The following PRPF8 variants were observed in gnomAD, a reference collection of about 807,000 sequenced individuals.
PRPF8 encodes pre-mRNA-processing-splicing factor 8.
A neutral mutation model predicts 285.9 loss-of-function variants in PRPF8; 64 were observed. That is an observed-to-expected ratio of 0.22 (90% CI 0.18 to 0.28). The LOEUF (loss-of-function observed/expected upper bound fraction) is 0.28, where lower values mean the gene tolerates loss of function less well. PRPF8 is among the 10% of genes least tolerant of loss of function. PRPF8 has a pLI of 1.00. For synonymous variants in PRPF8, 1,325 were observed against 1,118.2 expected (o/e 1.18, Z -3.69); for missense variants, 1,426 against 3,026.7 (o/e 0.47, Z 12.41).
At position 1,683,586 on chromosome 17, in the gene PRPF8, G is replaced by A. The variant is rs767302039; in HGVS notation, c.216C>T (p.Asp72=). 1.2e-6 allele frequency: 2 copies of A among 1,614,132 alleles called. No individual in the cohort carries two copies. Among genetic ancestry groups the A allele is most frequent in the South Asian group, 1.1e-5 (1 of 91,080 alleles). The change falls in exon 3 of 43, where the codon GAC becomes GAT. Residue 72 remains aspartate, a synonymous_variant. Coordinates refer to ENST00000304992, the MANE Select transcript of PRPF8 (RefSeq NM_006445.4). The part of the protein sequence containing the change: ...PPEHVRKIIR[D]HGDMTNRKFR... Reference sequence around the variant, plus strand: ...ACTTCCTGTTGGTCATGTCTCCATGGTCTCGAATGATCTTCCTGACATGTT... The same window carrying A: ...ACTTCCTGTTGGTCATGTCTCCATGATCTCGAATGATCTTCCTGACATGTT...
intron 24 of PRPF8, among the ~76,000 whole-genome samples, chr17:1,672,155 C>A (rs1297807394): frequency 6.6e-6 from 1 of 152,150 alleles, no homozygotes; most frequent in Non-Finnish European, 1.5e-5. Context: ...ACAGACTTAA[C>A]TAAAAAACAG....
chr17:1,652,575 T>C (rs1229436924), intron 39 of PRPF8, among the ~76,000 whole-genome samples: 1 of 152,150 alleles, frequency 6.6e-6, no homozygotes, highest in Non-Finnish European at 1.5e-5. Flanking sequence ...AAGCAGGGTA[T>C]CACTCTGTCA....
chr17:1,662,161 T>G lies in PRPF8; in HGVS notation c.3775-8A>C. On this transcript the variant is annotated splice_region_variant and splice_polypyrimidine_tract_variant and intron_variant, in intron 24 of 42. Transcript: ENST00000304992. ...ATTCCACTTATTCACAATCTAAAGG[T>G]AGTAGAAAAAAAAGTAAATTACAGA... The G allele has an allele frequency of 6.2e-7, 1 of 1,613,936 alleles. No individual in the cohort carries two copies. Among genetic ancestry groups the G allele is most frequent in the Non-Finnish European group, 8.5e-7 (1 of 1,179,976 alleles).
chr17:1,673,111 G>T lies in PRPF8; in HGVS notation c.3744C>A (p.Leu1248=). ...TGAAGGTGGTGGACCCAGAGGCCATGAGAATCTGACGCACGCGGTTGTGGA... is the reference window on the plus strand; with the variant it reads ...TGAAGGTGGTGGACCCAGAGGCCATTAGAATCTGACGCACGCGGTTGTGGA... ...QRFHNRVRQI[L]MASGSTTFTK... Residue 1248 remains leucine (L), a synonymous_variant, in exon 24 of 43, where the codon CTC becomes CTA. Coordinates refer to ENST00000304992, the MANE Select transcript of PRPF8 (RefSeq NM_006445.4). This position sits in a 1 kb window ranked among gnomAD's most constrained non-coding sequence, Gnocchi z 5.5. 6.2e-7 allele frequency: 1 copy of T among 1,614,258 alleles called. No individual in the cohort carries two copies.
At chr17:1,664,128 T>C (rs1034328751) in intron 24 of PRPF8, among the ~76,000 whole-genome samples, 2 of 152,056 alleles carry the variant, frequency 1.3e-5, no homozygotes, top group African/African-American at 2.4e-5. Context: ...CCTCCCAGGC[T>C]CAGGAGACTC....
rs1911593974 is a variant in PRPF8 at position 1,660,017 on chromosome 17, G to A, written c.4786-16C>T. On this transcript the variant is annotated splice_polypyrimidine_tract_variant and intron_variant, in intron 30 of 42. Coordinates refer to ENST00000304992, the MANE Select transcript of PRPF8 (RefSeq NM_006445.4). Reference sequence around the variant, plus strand: ...GGTCAAACACCTGAAGGAAAACATGGAGAGATTAAGACTTGTTAAGGAAGC... The same window carrying A: ...GGTCAAACACCTGAAGGAAAACATGAAGAGATTAAGACTTGTTAAGGAAGC... 5 of 1,613,222 alleles carry A rather than the reference G, an allele frequency of 3.1e-6. No homozygotes were observed. Among genetic ancestry groups the A allele is most frequent in the Non-Finnish European group, 4.2e-6 (5 of 1,179,280 alleles).
rs2151127735 is a variant in PRPF8 at position 1,675,701 on chromosome 17, C to T, written c.2791G>A (p.Asp931Asn). The T allele has an allele frequency of 2.5e-6, 4 of 1,614,118 alleles. No individual in the cohort carries two copies. The highest frequency in any genetic ancestry group is 2.2e-5 in the East Asian group (1 of 44,880). The change falls in exon 19 of 43, where the codon GAC (aspartate) becomes AAC (asparagine). Residue 931 changes from aspartate to asparagine, a missense_variant. Transcript: ENST00000304992. The surrounding 1 kb of genome is among the most constrained non-coding windows in gnomAD (Gnocchi z 6.0). ...CAGGGTGGGAACAGGCGGCGCTTGTCGGCTTCATACCACAGGTACTGGTCC... is the reference window on the plus strand; with the variant it reads ...CAGGGTGGGAACAGGCGGCGCTTGTTGGCTTCATACCACAGGTACTGGTCC... The part of the protein sequence containing the change: ...YLDQYLWYEA[D>N]KRRLFPPWIK...
rs62089972 is a variant in PRPF8, at chr17:1,676,779, G to A, written c.2182-68C>T. On this transcript the variant is annotated intron_variant, in intron 15 of 42. Transcript: ENST00000304992. This position sits in a 1 kb window ranked among gnomAD's most constrained non-coding sequence, Gnocchi z 6.3. ...CACTGTGGCACACATCTGTAGTCCC[G>A]GCTACTCAGGAGGCTAAGGAGGATC... The A allele has an allele frequency of 0.033, 51,606 of 1,567,464 alleles. 989 individuals carry two copies. Among genetic ancestry groups the A allele is most frequent in the Middle Eastern group, 0.048 (230 of 4,756 alleles).
At chr17:1,665,288 C>T (rs1373840350) in intron 24 of PRPF8, among the ~76,000 whole-genome samples, 13 of 151,992 alleles carry the variant, frequency 8.6e-5, no homozygotes, top group Middle Eastern at 3.4e-3. Context: ...CCCTGTAATC[C>T]CAGCACTTTG....
chr17:1,673,570 G>A lies in PRPF8; in HGVS notation c.3447-3C>T. 2.5e-6 allele frequency: 4 copies of A among 1,613,952 alleles called. No homozygotes were observed. The highest frequency in any genetic ancestry group is 3.4e-6 in the Non-Finnish European group (4 of 1,180,022). ...TGTCCCAGAATACCGCCCGGCCTCT[G>A]CCCACAGAGAACACATGGTCACAGC... On this transcript the variant is annotated splice_polypyrimidine_tract_variant and splice_region_variant and intron_variant, in intron 22 of 42. Coordinates refer to ENST00000304992, the MANE Select transcript of PRPF8 (RefSeq NM_006445.4). This position sits in a 1 kb window ranked among gnomAD's most constrained non-coding sequence, Gnocchi z 5.5.
Position 1,679,649 on chromosome 17 carries a change from G to A in PRPF8, c.1249C>T (p.Arg417Cys), listed in dbSNP as rs937943467. The A allele has an allele frequency of 6.8e-6, 11 of 1,613,920 alleles. No individual in the cohort carries two copies. In the African/African-American group the frequency reaches 9.3e-5, roughly 14 times the overall value. ...GGTATGTCCAGGGCCCGACGGGTGC[G>A]ACCAGAGCGTAGGTTGAAGGGCCGC... ...APRPFNLRSG[R>C]TRRALDIPLV... Residue 417 changes from arginine (R) to cysteine (C), a missense_variant, in exon 9 of 43, where the codon CGC becomes TGC. Physicochemically the swap from Arg to Cys is radical, Grantham distance 180 (BLOSUM62 -3). Transcript: ENST00000304992. The surrounding 1 kb of genome is among the most constrained non-coding windows in gnomAD (Gnocchi z 4.7).
chr17:1,652,159 A>G (rs1034712636), intron 39 of PRPF8: 12 of 372,940 alleles, frequency 3.2e-5, no homozygotes, highest in Non-Finnish European at 5.6e-5. Flanking sequence ...CATTATCACC[A>G]AGAAAGAAAG....
chr17:1,672,996 C>G (rs771161044), intron 24 of PRPF8, 85 bp downstream of exon 24: 7 of 1,261,984 alleles, frequency 5.5e-6, no homozygotes, highest in Middle Eastern at 4.2e-4. Flanking sequence ...AAGGAAGCAG[C>G]CAGCAGGGGA....
intron 2 of PRPF8, among the ~76,000 whole-genome samples, chr17:1,683,931 G>A (rs566058782): frequency 6.7e-6 from 1 of 149,814 alleles, no homozygotes; most frequent in East Asian, 2.0e-4. Context: ...CTGTCTCCCA[G>A]GCTGGAGTGC....
At chr17:1,657,526 G>T (rs1000025289) in intron 34 of PRPF8, among the ~76,000 whole-genome samples, 1 of 150,932 alleles carries the variant, frequency 6.6e-6, no homozygotes, top group African/African-American at 2.4e-5. Context: ...GGCACCTGTA[G>T]TCCCAGCTAC....
chr17:1,656,133 G>GCCTGATCTCAAACT (rs1256611684), intron 36 of PRPF8, among the ~76,000 whole-genome samples: 2 of 150,420 alleles, frequency 1.3e-5, no homozygotes, highest in Non-Finnish European at 3.0e-5. Context: ...ATGTTGGCCA[G>GCCTGATCTCAAACT]CCTGATCTCA....
intron 24 of PRPF8, among the ~76,000 whole-genome samples, chr17:1,669,564 T>G (rs758759983): frequency 6.6e-6 from 1 of 152,248 alleles, no homozygotes; most frequent in South Asian, 2.1e-4. Context: ...AGATTGTCCT[T>G]GCTGTCTCCA....
Position 1,679,584 on chromosome 17 carries a change from C to T in PRPF8, c.1289+25G>A, listed in dbSNP as rs774362612. 2 of 1,612,158 alleles carry T rather than the reference C, an allele frequency of 1.2e-6. No homozygotes were observed. The highest frequency in any genetic ancestry group is 1.1e-5 in the South Asian group (1 of 90,990). On this transcript the variant is annotated intron_variant, in intron 9 of 42. Coordinates refer to ENST00000304992, the MANE Select transcript of PRPF8 (RefSeq NM_006445.4). The surrounding 1 kb of genome is among the most constrained non-coding windows in gnomAD (Gnocchi z 4.7). ...TTCTCCTACACATCCACTATCATTC[C>T]CCCTGCCACAGGGAAAAACCTTACC...
rs1911542260 is a variant in PRPF8, at chr17:1,659,014, AT to A, written c.5139-252del. The A allele has an allele frequency of 1.8e-6, 1 of 556,776 alleles. No homozygotes were observed. The highest frequency in any genetic ancestry group is 3.2e-5 in the East Asian group (1 of 31,382). The allele number at this position is 556,776 out of a possible 1,614,324, so 34.5% of individuals were successfully genotyped here. The stretch of plus-strand genomic sequence containing the variant: ...CTAATGGAAAATACACGGATTATTT[AT>A]TTATTTATTATTATTATTATTTTTC... On this transcript the variant is annotated intron_variant, in intron 32 of 42. Transcript: ENST00000304992. This position sits in a 1 kb window ranked among gnomAD's most constrained non-coding sequence, Gnocchi z 5.1.
Sources: allele counts gnomAD v4.1 joint callset (sites outside exome capture counted in the v4.1 genomes callset), GRCh38; gene constraint gnomAD v4.1.1; non-coding constraint Gnocchi (gnomAD v3.1); transcripts MANE v1.5; gene names NCBI Gene and HGNC (gene_info 2026-07-23, HGNC 2026-07-21).